PJA2: variants seen among roughly 807,000 people sequenced by gnomAD.
PJA2 encodes E3 ubiquitin-protein ligase Praja-2.
A neutral mutation model predicts 69.3 loss-of-function variants in PJA2; 25 were observed. The observed-to-expected ratio is 0.36, with a 90% CI of 0.26 to 0.50. PJA2 has a LOEUF of 0.50. Among genes scored for constraint, PJA2 ranks in the 20% least tolerant of loss-of-function variants. The pLI is 0.96. For synonymous variants in PJA2, 308 were observed against 277.8 expected (o/e 1.11, Z -1.08); for missense variants, 809 against 830.2 (o/e 0.97, Z 0.31).
chr5:109,358,685 G>T (rs992780008), intron 6 of PJA2, among the ~76,000 whole-genome samples: 1 of 152,094 alleles, frequency 6.6e-6, no homozygotes. Flanking sequence ...CCAGGCATTG[G>T]TAGCTCATGC....
chr5:109,354,499 C>CTATATCGATATTAGATATCTATAATATCT (rs1415161411), intron 7 of PJA2, among the ~76,000 whole-genome samples: 1 of 85,200 alleles, frequency 1.2e-5, no homozygotes, highest in African/African-American at 5.1e-5. Flanking sequence ...TCTATAATAT[C>CTATATCGATATTAGATATCTATAATATCT]ATAGATATCT....
chr5:109,341,616 C>T (rs1309321468), intron 9 of PJA2, among the ~76,000 whole-genome samples: 11 of 118,428 alleles, frequency 9.3e-5, no homozygotes, highest in East Asian at 2.6e-4. Flanking sequence ...GTCAGCCCCC[C>T]GCCTGGCCAG....
intron 3 of PJA2, 40 bp from the exon 4 acceptor site, chr5:109,379,294 A>G: frequency 7.1e-7 from 1 of 1,401,924 alleles, no homozygotes; most frequent in Non-Finnish European, 9.6e-7. Context: ...TAAAGGATTA[A>G]CTTAGATAAA....
chr5:109,397,438 C>T (rs1053120210), intron 1 of PJA2, among the ~76,000 whole-genome samples: 3 of 151,698 alleles, frequency 2.0e-5, no homozygotes, highest in South Asian at 2.1e-4. Context: ...AGTTGTGAAA[C>T]GGACTGACTG....
intron 1 of PJA2, among the ~76,000 whole-genome samples, chr5:109,406,881 G>T (rs1211931421): frequency 6.6e-6 from 1 of 152,104 alleles, no homozygotes; most frequent in Non-Finnish European, 1.5e-5. Context: ...GTTAAATACA[G>T]AAAAACATGG....
intron 1 of PJA2, among the ~76,000 whole-genome samples, chr5:109,393,037 T>C (rs1339449770): frequency 6.6e-6 from 1 of 152,120 alleles, no homozygotes; most frequent in Admixed American, 6.5e-5. Flanking sequence ...CATAAAAAGA[T>C]ACCATTCAGA....
chr5:109,371,745 C>T (rs2127003001), intron 4 of PJA2, among the ~76,000 whole-genome samples: 1 of 152,302 alleles, frequency 6.6e-6, no homozygotes, highest in East Asian at 1.9e-4. Context: ...CACAAACAAG[C>T]CATTTGCCTA....
At chr5:109,403,974 G>C (rs1747623629) in intron 1 of PJA2, among the ~76,000 whole-genome samples, 1 of 152,004 alleles carries the variant, frequency 6.6e-6, no homozygotes, top group South Asian at 2.1e-4. Flanking sequence ...AGGGGGCTGA[G>C]GCAGAAGAAT....
rs961975123 is a variant in PJA2, at chr5:109,385,177, G to A, written c.-87-1657C>T. On this transcript the variant is annotated intron_variant, in intron 1 of 9. Transcript: ENST00000361189. Reference sequence around the variant, plus strand: ...AGTTCTGACCACAGAAGAGATATTTGACTTCTGTTTTAAGAAGAATGCTCT... The same window carrying A: ...AGTTCTGACCACAGAAGAGATATTTAACTTCTGTTTTAAGAAGAATGCTCT... 3.9e-5 allele frequency among the ~76,000 whole-genome samples: 6 copies of A among 152,160 alleles called. 1 individual carries two copies. Among genetic ancestry groups the A allele is most frequent in the African/African-American group, 1.4e-4 (6 of 41,448 alleles).
At chr5:109,346,204 A>G (rs1762170436) in intron 7 of PJA2, among the ~76,000 whole-genome samples, 1 of 152,262 alleles carries the variant, frequency 6.6e-6, no homozygotes, top group African/African-American at 2.4e-5. Flanking sequence ...TCCTAATTAC[A>G]GCATCATAAG....
chr5:109,356,617 C>G, intron 6 of PJA2, among the ~76,000 whole-genome samples: 1 of 152,144 alleles, frequency 6.6e-6, no homozygotes, highest in South Asian at 2.1e-4. Flanking sequence ...TTTCAGTTTC[C>G]AATCCGCATG....
At chr5:109,395,702 G>T (rs939226345) in intron 1 of PJA2, among the ~76,000 whole-genome samples, 3 of 151,984 alleles carry the variant, frequency 2.0e-5, no homozygotes, top group African/African-American at 7.3e-5. Context: ...TAAGAGCAGA[G>T]TAAAATCTTC....
intron 7 of PJA2, among the ~76,000 whole-genome samples, chr5:109,355,536 A>G (rs142054502): frequency 6.3e-4 from 96 of 152,330 alleles, no homozygotes; most frequent in African/African-American, 1.9e-3. Context: ...TAGTATTTAG[A>G]AGCCATGAGA....
rs183170451 is a variant in PJA2 at position 109,336,512 on chromosome 5, C to G, written c.*719G>C. On this transcript the variant is annotated 3_prime_UTR_variant, in exon 10 of 10. Transcript: ENST00000361189. The stretch of plus-strand genomic sequence containing the variant: ...AGTTTCATAAGGCCATCTAATTCAG[C>G]TCATTGTACCAAGCCCTGAGCACAC... 226 of 152,138 alleles carry G rather than the reference C, an allele frequency of 1.5e-3. No homozygotes were observed. The highest frequency in any genetic ancestry group is 5.3e-3 in the African/African-American group (221 of 41,490). 9.4% of individuals were successfully genotyped at this position (152,138 alleles called of 1,614,324 possible).
chr5:109,372,692 G>C (rs1235585729), intron 4 of PJA2, among the ~76,000 whole-genome samples: 1 of 151,806 alleles, frequency 6.6e-6, no homozygotes, highest in Non-Finnish European at 1.5e-5. Context: ...AATCACCTGA[G>C]GTCGGGAGCT....
intron 6 of PJA2, among the ~76,000 whole-genome samples, chr5:109,359,309 A>C (rs1762474009): frequency 6.6e-6 from 1 of 152,234 alleles, no homozygotes; most frequent in African/African-American, 2.4e-5. Context: ...GTGGGCTATC[A>C]GTAGTTAACC....
At chr5:109,361,312 T>C (rs1197145730) in intron 6 of PJA2, among the ~76,000 whole-genome samples, 1 of 152,156 alleles carries the variant, frequency 6.6e-6, no homozygotes, top group Non-Finnish European at 1.5e-5. Context: ...ACAAGTTTTA[T>C]GGAGGATGGG....
At chr5:109,374,508 A>T (rs56330636) in intron 4 of PJA2, among the ~76,000 whole-genome samples, 1 of 127,280 alleles carries the variant, frequency 7.9e-6, no homozygotes, top group Non-Finnish European at 1.9e-5. Flanking sequence ...TGTCTTCTTC[A>T]TAAAGCTAGT....
At chr5:109,403,829 T>TG (rs1044659421) in intron 1 of PJA2, among the ~76,000 whole-genome samples, 2 of 150,712 alleles carry the variant, frequency 1.3e-5, no homozygotes, top group African/African-American at 4.9e-5. Flanking sequence ...CCCAACACTT[T>TG]GGGGGGCCAA....
Sources: gnomAD v4.1 joint callset for allele counts (sites outside exome capture counted in the v4.1 genomes callset) on GRCh38, gnomAD v4.1.1 for gene constraint, MANE v1.5 for transcripts, NCBI Gene and HGNC (gene_info 2026-07-23, HGNC 2026-07-21) for gene names.